The following THSD7B variants were observed in gnomAD, a reference collection of about 807,000 sequenced individuals.
The protein encoded by THSD7B is thrombospondin type 1 domain containing 7B, also known as thrombospondin type-1 domain-containing protein 7B.
A neutral mutation model predicts 213.6 loss-of-function variants in THSD7B; 138 were observed. The ratio of observed to expected loss-of-function variants is 0.65; its 90% CI spans 0.56 to 0.74. The LOEUF (loss-of-function observed/expected upper bound fraction) is 0.74, where lower values mean the gene tolerates loss of function less well. Ranked by LOEUF, THSD7B falls within the 30% of genes least tolerant of loss-of-function variation. The pLI is 0.00. For synonymous variants in THSD7B, 742 were observed against 687.0 expected, an observed-to-expected ratio of 1.08 and a Z score of -1.25; for missense variants, 1,931 against 1,991.5, an observed-to-expected ratio of 0.97 and a Z score of 0.58.
chr2:136,874,547 A>G (rs1430900001), intron 1 of THSD7B, among the ~76,000 whole-genome samples: 2 of 152,228 alleles, frequency 1.3e-5, no homozygotes, highest in East Asian at 3.8e-4. Flanking sequence ...GCTGAAAGCA[A>G]ATTGAAACTA....
intron 12 of THSD7B, among the ~76,000 whole-genome samples, chr2:137,314,526 C>T (rs891969160): frequency 1.3e-5 from 2 of 152,230 alleles, no homozygotes; most frequent in African/African-American, 4.8e-5. Flanking sequence ...CATTCTCCAT[C>T]CAGCTTTGTT....
intron 12 of THSD7B, among the ~76,000 whole-genome samples, chr2:137,288,998 C>T (rs1683252617): frequency 6.6e-6 from 1 of 151,954 alleles, no homozygotes; most frequent in Non-Finnish European, 1.5e-5. Context: ...TTGGTTGAAC[C>T]ACTTAACCTC....
At chr2:137,426,948 G>T (rs987039900) in intron 14 of THSD7B, among the ~76,000 whole-genome samples, 1 of 151,628 alleles carries the variant, frequency 6.6e-6, no homozygotes, top group Non-Finnish European at 1.5e-5. Flanking sequence ...CAACTCAATA[G>T]TGAAAAACAA....
chr2:136,919,294 A>T (rs472301), intron 2 of THSD7B, among the ~76,000 whole-genome samples: 62,393 of 152,080 alleles, frequency 0.41, 14,937 homozygotes, highest in Non-Finnish European at 0.55. Flanking sequence ...GCCAAAATAT[A>T]TTCTTGGTAA....
At chr2:137,360,028 G>A (rs1685217830) in intron 12 of THSD7B, among the ~76,000 whole-genome samples, 1 of 152,166 alleles carries the variant, frequency 6.6e-6, no homozygotes, top group East Asian at 1.9e-4. Flanking sequence ...TATTAAATGG[G>A]CAACTGCTAT....
intron 5 of THSD7B, among the ~76,000 whole-genome samples, chr2:137,144,273 A>G (rs1261032260): frequency 2.0e-5 from 3 of 152,080 alleles, no homozygotes; most frequent in Non-Finnish European, 4.4e-5. Flanking sequence ...GACCCAGTAT[A>G]TTTGAATTTT....
rs780450390 is a variant in THSD7B, at chr2:137,056,905, C to G, written c.625C>G (p.Pro209Ala). Residue 209 changes from proline (P) to alanine (A), a missense_variant, in exon 3 of 28, where the codon CCC becomes GCC. Coordinates refer to ENST00000409968, the MANE Select transcript of THSD7B (RefSeq NM_001316349.2). The part of the protein sequence containing the change: ...LQHRTRAVIA[P>A]PLFGGLQCPN... ...GCATAGAACTCGCGCGGTCATAGCT[C>G]CCCCTCTCTTTGGTGGTTTGCAATG... 6.2e-7 allele frequency: 1 copy of G among 1,613,876 alleles called. No homozygotes were observed. The highest frequency in any genetic ancestry group is 1.1e-5 in the South Asian group (1 of 91,078).
At chr2:137,648,481 T>C (rs1683079069) in intron 21 of THSD7B, among the ~76,000 whole-genome samples, 1 of 152,160 alleles carries the variant, frequency 6.6e-6, no homozygotes, top group South Asian at 2.1e-4. Flanking sequence ...GAACATATGA[T>C]ATTTGTCTTT....
intron 1 of THSD7B, among the ~76,000 whole-genome samples, chr2:136,834,078 A>G (rs946660833): frequency 1.3e-5 from 2 of 152,228 alleles, no homozygotes; most frequent in Non-Finnish European, 2.9e-5. Context: ...ATGATGATAT[A>G]TCATGTCAAA....
At chr2:137,395,668 C>G (rs528831625) in intron 12 of THSD7B, among the ~76,000 whole-genome samples, 89 of 152,268 alleles carry the variant, frequency 5.8e-4, no homozygotes, top group African/African-American at 2.1e-3. Context: ...CAGAATGATG[C>G]TGGCCTCATA....
chr2:137,540,401 G>C (rs1437808720), intron 15 of THSD7B, among the ~76,000 whole-genome samples: 1 of 151,654 alleles, frequency 6.6e-6, no homozygotes, highest in Non-Finnish European at 1.5e-5. Flanking sequence ...GGTAAGAATT[G>C]AGAGATTTCT....
intron 2 of THSD7B, among the ~76,000 whole-genome samples, chr2:136,952,799 C>T (rs1316864754): frequency 6.6e-6 from 1 of 151,996 alleles, no homozygotes; most frequent in Admixed American, 6.6e-5. Context: ...TGACTTTGTA[C>T]AGCTTTTGAA....
chr2:136,971,637 A>AATACACACACAC lies in THSD7B; in HGVS notation c.140-84781_140-84770dup, dbSNP rs1319564239. 7.8e-4 allele frequency among the ~76,000 whole-genome samples: 18 copies of AATACACACACAC among 23,224 alleles called. No individual in the cohort carries two copies. The Admixed American group carries it at 0.01, about 13-fold the overall frequency. 15.2% of individuals were successfully genotyped at this position (23,224 alleles called of 152,430 possible). On this transcript the variant is annotated intron_variant, in intron 2 of 27. Coordinates refer to ENST00000409968, the MANE Select transcript of THSD7B (RefSeq NM_001316349.2). ...CAAAGTCACTGGTTTAACAACAACA[A>AATACACACACAC]ATACACACACACACACACACACACA... is the stretch of plus-strand genomic sequence containing the variant.
chr2:137,023,048 A>G (rs1051050786), intron 2 of THSD7B, among the ~76,000 whole-genome samples: 1 of 152,202 alleles, frequency 6.6e-6, no homozygotes, highest in African/African-American at 2.4e-5. Context: ...GAATGGCTCT[A>G]TCAAATATGC....
intron 15 of THSD7B, among the ~76,000 whole-genome samples, chr2:137,475,291 A>G (rs900198154): frequency 2.0e-5 from 3 of 152,184 alleles, no homozygotes; most frequent in African/African-American, 4.8e-5. Context: ...GGCGGTATTT[A>G]GGGTATCCAT....
intron 3 of THSD7B, among the ~76,000 whole-genome samples, chr2:137,071,601 C>T (rs1470400015): frequency 6.6e-6 from 1 of 152,094 alleles, no homozygotes; most frequent in Non-Finnish European, 1.5e-5. Flanking sequence ...GTTGCCATTG[C>T]TTTTGGTGTT....
intron 15 of THSD7B, among the ~76,000 whole-genome samples, chr2:137,554,318 A>G (rs1680907880): frequency 6.6e-6 from 1 of 152,122 alleles, no homozygotes; most frequent in Admixed American, 6.5e-5. Flanking sequence ...TGCGAAAAAT[A>G]TGCATCATGG....
chr2:137,422,397 T>C (rs1460298723), intron 14 of THSD7B, among the ~76,000 whole-genome samples: 1 of 152,184 alleles, frequency 6.6e-6, no homozygotes, highest in Non-Finnish European at 1.5e-5. Flanking sequence ...TGTTGTATTT[T>C]CTAATTCCAA....
intron 3 of THSD7B, among the ~76,000 whole-genome samples, chr2:137,093,036 TA>T (rs1687978955): frequency 6.6e-6 from 1 of 152,240 alleles, no homozygotes; most frequent in Non-Finnish European, 1.5e-5. Context: ...ATTCTTCGAA[TA>T]TTATCCTTTT....
Sources: gnomAD v4.1 joint callset for allele counts (sites outside exome capture counted in the v4.1 genomes callset) on GRCh38, gnomAD v4.1.1 for gene constraint, MANE v1.5 for transcripts, NCBI Gene and HGNC (gene_info 2026-07-23, HGNC 2026-07-21) for gene names.